DST: variants seen among roughly 807,000 people sequenced by gnomAD.
DST encodes dystonin, also known as bullous pemphigoid antigen.
A neutral mutation model predicts 875.2 loss-of-function variants in DST; 253 were observed. That is an observed-to-expected ratio of 0.29 (90% CI 0.26 to 0.32). DST has a LOEUF of 0.32. Ranked by LOEUF, DST falls within the 10% of genes least tolerant of loss-of-function variation. The pLI is 1.00. For missense variants in DST, 8,287 were observed against 9,111.6 expected (o/e 0.91, Z 3.68); for synonymous variants, 3,124 against 3,197.1 (o/e 0.98, Z 0.77).
intron 57 of DST, among the ~76,000 whole-genome samples, chr6:56,560,881 A>G (rs2097527173): frequency 1.3e-5 from 2 of 152,186 alleles, no homozygotes. Context: ...CACTGCTACC[A>G]TATAAAGCCA....
At chr6:56,754,043 A>T (rs2152955107) in intron 4 of DST, among the ~76,000 whole-genome samples, 1 of 152,334 alleles carries the variant, frequency 6.6e-6, no homozygotes, top group South Asian at 2.1e-4. Context: ...CCATTTTGGA[A>T]ATTCACTTCA....
At chr6:56,693,278 C>G in intron 9 of DST, 3 of 1,183,074 alleles carry the variant, frequency 2.5e-6, no homozygotes, top group Non-Finnish European at 3.2e-6. Context: ...TGACCATCCT[C>G]TTCAGTCTGA....
chr6:56,543,373 G>A (rs149325671), intron 61 of DST, among the ~76,000 whole-genome samples: 4 of 152,078 alleles, frequency 2.6e-5, no homozygotes, highest in African/African-American at 9.7e-5. Flanking sequence ...TACCAGTGAG[G>A]GGCTCTCAGC....
chr6:56,913,338 G>C (rs370494494), intron 2 of DST, among the ~76,000 whole-genome samples: 1 of 152,178 alleles, frequency 6.6e-6, no homozygotes, highest in East Asian at 1.9e-4. Context: ...ACACTTAGAA[G>C]TTTGCCTAAT....
At chr6:56,830,480 T>C (rs2099785682) in intron 4 of DST, among the ~76,000 whole-genome samples, 1 of 152,226 alleles carries the variant, frequency 6.6e-6, no homozygotes, top group African/African-American at 2.4e-5. Context: ...ACCAAGTATA[T>C]GTCATAAGTT....
chr6:56,474,238 C>T (rs2095052084), intron 92 of DST: 1 of 338,992 alleles, frequency 2.9e-6, no homozygotes, highest in Non-Finnish European at 5.5e-6. Context: ...AATCCCAGCA[C>T]TTTGGGAGGC....
At chr6:56,575,409 A>G (rs1205059275) in intron 50 of DST, among the ~76,000 whole-genome samples, 1 of 152,210 alleles carries the variant, frequency 6.6e-6, no homozygotes, top group Non-Finnish European at 1.5e-5. Flanking sequence ...TCACAAGAGC[A>G]CATGCTCTGA....
rs1400114574 is a variant in DST at position 56,608,454 on chromosome 6, A to G, written c.6174T>C (p.Ser2058=). 1 of 1,613,784 alleles carries G rather than the reference A, an allele frequency of 6.2e-7. No homozygotes were observed. Among genetic ancestry groups the G allele is most frequent in the East Asian group, 2.2e-5 (1 of 44,882 alleles). ...GCTGAGCTTCCAGGACCAGAAGAGCACTGCTGGAAGTTATTAAATCACACT... is the reference window on the plus strand; with the variant it reads ...GCTGAGCTTCCAGGACCAGAAGAGCGCTGCTGGAAGTTATTAAATCACACT... The part of the protein sequence containing the change: ...AVQCDLITSS[S]ALLVLEAQRG... The change falls in exon 40 of 104, where the codon AGT becomes AGC. Residue 2058 remains serine (S), a synonymous_variant. Coordinates refer to ENST00000680361, the MANE Select transcript of DST (RefSeq NM_001374736.1).
chr6:56,795,501 A>G (rs1561875443), intron 4 of DST, among the ~76,000 whole-genome samples: 1 of 152,200 alleles, frequency 6.6e-6, no homozygotes, highest in Non-Finnish European at 1.5e-5. Flanking sequence ...GACCTACATC[A>G]TAGCATATCA....
chr6:56,678,907 CTT>C (rs891543679), intron 9 of DST, among the ~76,000 whole-genome samples: 3 of 152,128 alleles, frequency 2.0e-5, no homozygotes, highest in South Asian at 2.1e-4. Flanking sequence ...TTTCTTTTCT[CTT>C]GTCATTTCTC....
intron 4 of DST, among the ~76,000 whole-genome samples, chr6:56,776,737 T>C (rs531550000): frequency 3.3e-5 from 5 of 152,178 alleles, no homozygotes; most frequent in South Asian, 2.1e-4. Flanking sequence ...ATAAAAAATA[T>C]TGTTAAAAAG....
chr6:56,716,427 T>C (rs183135539), intron 5 of DST, among the ~76,000 whole-genome samples: 104 of 152,368 alleles, frequency 6.8e-4, no homozygotes, highest in Non-Finnish European at 1.3e-3. Context: ...AGCTACACAA[T>C]TGTTAGATAA....
chr6:56,675,377 C>A (rs2099123349), intron 9 of DST, among the ~76,000 whole-genome samples: 1 of 151,982 alleles, frequency 6.6e-6, no homozygotes, highest in Non-Finnish European at 1.5e-5. Flanking sequence ...TCCAAAAGCA[C>A]AAGTAAGAAA....
At position 56,605,134 on chromosome 6, in the gene DST, T is replaced by C. The variant is rs754380674; in HGVS notation, c.9494A>G (p.His3165Arg). The C allele has an allele frequency of 6.2e-7, 1 of 1,612,552 alleles. No individual in the cohort carries two copies. Among genetic ancestry groups the C allele is most frequent in the Non-Finnish European group, 8.5e-7 (1 of 1,179,190 alleles). The change falls in exon 40 of 104, where the codon CAT becomes CGT. Residue 3165 changes from histidine to arginine, a missense_variant. Coordinates refer to ENST00000680361, the MANE Select transcript of DST (RefSeq NM_001374736.1). ...TCCATCAGTGAATGACTCCTCAAAATGTGTATTCCCTTCCCACGATGTAAT... is the reference window on the plus strand; with the variant it reads ...TCCATCAGTGAATGACTCCTCAAAACGTGTATTCCCTTCCCACGATGTAAT... Reference protein sequence around the residue: ...SDITSWEGNTHFEESFTDGPE... With the variant: ...SDITSWEGNTRFEESFTDGPE...
At chr6:56,728,607 G>GA (rs2099481181) in intron 5 of DST, among the ~76,000 whole-genome samples, 1 of 152,002 alleles carries the variant, frequency 6.6e-6, no homozygotes, top group Admixed American at 6.6e-5. Context: ...ATCCAGGAGG[G>GA]AGAGGTTGCA....
chr6:56,817,309 C>T (rs908166595), intron 4 of DST, among the ~76,000 whole-genome samples: 11 of 152,038 alleles, frequency 7.2e-5, no homozygotes, highest in African/African-American at 1.2e-4. Context: ...AGCAACTTCA[C>T]GACTTAAATC....
chr6:56,875,796 T>G (rs1289005027), intron 3 of DST, among the ~76,000 whole-genome samples: 1 of 152,180 alleles, frequency 6.6e-6, no homozygotes, highest in African/African-American at 2.4e-5. Context: ...CACTTCTCCC[T>G]ACCATACTTG....
At chr6:56,934,589 T>TATATATATATATATAG (rs1812031212) in intron 2 of DST, among the ~76,000 whole-genome samples, 1 of 121,300 alleles carries the variant, frequency 8.2e-6, no homozygotes, top group Non-Finnish European at 1.7e-5. Flanking sequence ...TATATATATA[T>TATATATATATATATAG]CGTGAGAGAG....
intron 9 of DST, among the ~76,000 whole-genome samples, chr6:56,685,271 A>G (rs970716379): frequency 1.3e-5 from 2 of 152,182 alleles, no homozygotes; most frequent in Admixed American, 1.3e-4. Context: ...CCCAGAATCT[A>G]TAAGGACCTT....
Sources: gnomAD v4.1 joint callset for allele counts (sites outside exome capture counted in the v4.1 genomes callset) on GRCh38, gnomAD v4.1.1 for gene constraint, MANE v1.5 for transcripts, NCBI Gene and HGNC (gene_info 2026-07-23, HGNC 2026-07-21) for gene names.